Variants in IGFL2 observed in about 807,000 individuals in gnomAD.
The protein encoded by IGFL2 is IGF like family member 2.
A neutral mutation model predicts 13.9 loss-of-function variants in IGFL2; 7 were observed. That is an observed-to-expected ratio of 0.51 (90% confidence interval 0.29 to 0.95). The LOEUF (loss-of-function observed/expected upper bound fraction) is 0.95. Among genes scored for constraint, IGFL2 ranks in the 40% least tolerant of loss-of-function variants. The probability of loss-of-function intolerance (pLI) is 0.08; values close to 1 mark genes in which losing one functional copy is unlikely to be tolerated. For missense variants in IGFL2, 138 were observed against 147.8 expected (o/e 0.93, Z 0.34); for synonymous variants, 55 against 55.8 (o/e 0.99, Z 0.07).
chr19:46,101,738 A>G, the IGFL2 span, among the ~76,000 whole-genome samples: 2 of 152,226 alleles, frequency 1.3e-5, no homozygotes, highest in Admixed American at 6.5e-5. Context: ...AGAACTCGGT[A>G]GTCTTAGGCA....
At chr19:46,104,389 G>A in the IGFL2 span, among the ~76,000 whole-genome samples, 6 of 152,286 alleles carry the variant, frequency 3.9e-5, no homozygotes, top group Admixed American at 3.3e-4. Flanking sequence ...AGGACGGTAA[G>A]GGGTATGAAG....
At chr19:46,104,192 C>T in the IGFL2 span, among the ~76,000 whole-genome samples, 3 of 152,106 alleles carry the variant, frequency 2.0e-5, no homozygotes, top group Non-Finnish European at 2.9e-5. Flanking sequence ...AGGTTGGGTC[C>T]GAGCAAGAAA....
At chr19:46,191,853 T>C in the IGFL2 span, among the ~76,000 whole-genome samples, 1 of 152,228 alleles carries the variant, frequency 6.6e-6, no homozygotes, top group Non-Finnish European at 1.5e-5. Flanking sequence ...GATTTTTACA[T>C]AGTTTGACTA....
chr19:46,193,680 T>C, the IGFL2 span, among the ~76,000 whole-genome samples: 1 of 152,350 alleles, frequency 6.6e-6, no homozygotes, highest in African/African-American at 2.4e-5. Flanking sequence ...ACTAGCTTTG[T>C]GTCCTACCTC....
chr19:46,117,645 A>AT, the IGFL2 span, among the ~76,000 whole-genome samples: 1 of 152,098 alleles, frequency 6.6e-6, no homozygotes, highest in East Asian at 1.9e-4. Flanking sequence ...AGCCTGGCTA[A>AT]TTTTTTTGTA....
Position 46,148,296 on chromosome 19 carries a change from C to G in IGFL2, c.18C>G (p.Phe6Leu). The change falls in exon 1 of 4, where the codon TTC becomes TTG. Residue 6 changes from phenylalanine to leucine, a missense_variant and splice_region_variant. Transcript: ENST00000377693. MVPRI[F>L]APAYVSVCLL... ...GAAGCTCCATGGTGCCCAGAATCTT[C>G]GGTAAGGTAACCCTTGCCCCAGGTT... is the stretch of plus-strand genomic sequence containing the variant. 1 of 1,551,406 alleles carries G rather than the reference C, an allele frequency of 6.4e-7. No homozygotes were observed. Among genetic ancestry groups the G allele is most frequent in the Non-Finnish European group, 8.7e-7 (1 of 1,146,748 alleles).
chr19:46,099,422 A>G, the IGFL2 span, among the ~76,000 whole-genome samples: 240 of 149,962 alleles, frequency 1.6e-3, 2 homozygotes, highest in African/African-American at 5.1e-3. Context: ...GTGTTTTTCA[A>G]CTTGGTTCCT....
chr19:46,179,895 G>A, the IGFL2 span, among the ~76,000 whole-genome samples: 1 of 151,946 alleles, frequency 6.6e-6, no homozygotes, highest in Non-Finnish European at 1.5e-5. Flanking sequence ...CAGCCTGGGC[G>A]ACAGAGTGAG....
chr19:46,172,439 C>G, the IGFL2 span, among the ~76,000 whole-genome samples: 1 of 152,120 alleles, frequency 6.6e-6, no homozygotes, highest in Admixed American at 6.5e-5. Flanking sequence ...AAATCACAGC[C>G]AGTTGAGGTG....
the IGFL2 span, among the ~76,000 whole-genome samples, chr19:46,182,154 G>A: frequency 2.6e-5 from 4 of 151,994 alleles, no homozygotes; most frequent in African/African-American, 7.3e-5. Flanking sequence ...AGATCACAAG[G>A]TCAGGAGTTC....
chr19:46,205,934 G>A, the IGFL2 span, among the ~76,000 whole-genome samples: 51 of 152,298 alleles, frequency 3.3e-4, no homozygotes, highest in African/African-American at 1.1e-3. Flanking sequence ...AGCACATGGT[G>A]TGCCCAGATG....
chr19:46,188,595 C>T, the IGFL2 span, among the ~76,000 whole-genome samples: 8 of 152,194 alleles, frequency 5.3e-5, no homozygotes, highest in African/African-American at 1.9e-4. Context: ...TCTTTGTGAA[C>T]CCATAGTGTT....
chr19:46,164,856 G>T (rs1974323848), downstream of IGFL2, among the ~76,000 whole-genome samples: 1 of 152,180 alleles, frequency 6.6e-6, no homozygotes, highest in African/African-American at 2.4e-5. Flanking sequence ...AACAGAGGAT[G>T]GGTGGTCAAT....
At chr19:46,115,259 C>T in the IGFL2 span, among the ~76,000 whole-genome samples, 2 of 152,200 alleles carry the variant, frequency 1.3e-5, no homozygotes, top group African/African-American at 4.8e-5. Context: ...ACCCAGAATT[C>T]CTGAGCTCTG....
chr19:46,100,861 G>A, the IGFL2 span, among the ~76,000 whole-genome samples: 5 of 152,174 alleles, frequency 3.3e-5, no homozygotes, highest in African/African-American at 1.2e-4. Context: ...ATCTTCATAA[G>A]TTTGTCTAGT....
the IGFL2 span, chr19:46,213,313 C>T: frequency 6.6e-6 from 1 of 152,392 alleles, no homozygotes; most frequent in Non-Finnish European, 1.5e-5. Flanking sequence ...CCCTGCCTGG[C>T]TCCTTTACTG....
At chr19:46,212,737 C>CTCTCTCTCTCCT in the IGFL2 span, 5 of 147,712 alleles carry the variant, frequency 3.4e-5, no homozygotes, top group African/African-American at 1.0e-4. Flanking sequence ...CTCTCTCTCT[C>CTCTCTCTCTCCT]CTCTCACTGT....
chr19:46,199,725 G>A, the IGFL2 span, among the ~76,000 whole-genome samples: 703 of 152,262 alleles, frequency 4.6e-3, 7 homozygotes, highest in African/African-American at 0.016. Flanking sequence ...CAGCGTCTAG[G>A]CCTCTACCTG....
At chr19:46,166,044 G>C (rs1419354796), downstream of IGFL2, among the ~76,000 whole-genome samples, 7 of 152,188 alleles carry the variant, frequency 4.6e-5, no homozygotes, top group Non-Finnish European at 4.4e-5. Flanking sequence ...AAATCAGCAG[G>C]TGGACTAGCT....
Sources: allele counts gnomAD v4.1 joint callset (sites outside exome capture counted in the v4.1 genomes callset), GRCh38; gene constraint gnomAD v4.1.1; transcripts MANE v1.5; gene names NCBI Gene and HGNC (gene_info 2026-07-23, HGNC 2026-07-21).